Variants in PTPRR observed in about 807,000 individuals in gnomAD.
PTPRR encodes the protein protein tyrosine phosphatase receptor type R.
PTPRR carries 38 observed loss-of-function variants against 77.2 expected under a neutral mutation model. The observed-to-expected ratio is 0.49, with a 90% CI of 0.38 to 0.65. The LOEUF is 0.65. PTPRR is among the 30% of genes least tolerant of loss of function. The pLI, the probability that PTPRR is intolerant of heterozygous loss-of-function variation, is 0.00. For synonymous variants in PTPRR, 299 were observed against 283.1 expected, an observed-to-expected ratio of 1.06 and a Z score of -0.57; for missense variants, 744 against 799.2, an observed-to-expected ratio of 0.93 and a Z score of 0.83.
intron 2 of PTPRR, among the ~76,000 whole-genome samples, chr12:70,767,082 G>A (rs1183349941): frequency 1.3e-5 from 2 of 151,936 alleles, no homozygotes; most frequent in African/African-American, 4.8e-5. Context: ...AAAGACCATC[G>A]AGACTAGGAA....
chr12:70,693,477 TG>T (rs1305352881), intron 8 of PTPRR, among the ~76,000 whole-genome samples: 1 of 152,058 alleles, frequency 6.6e-6, no homozygotes. Flanking sequence ...TTGTATTTTT[TG>T]GTAGAGATGA....
intron 6 of PTPRR, among the ~76,000 whole-genome samples, chr12:70,736,379 T>C (rs1889862193): frequency 6.6e-6 from 1 of 152,064 alleles, no homozygotes; most frequent in African/African-American, 2.4e-5. Flanking sequence ...ATATACTGAT[T>C]TGTAGTTTAT....
chr12:70,779,018 T>G (rs942101652), intron 2 of PTPRR, among the ~76,000 whole-genome samples: 12 of 152,122 alleles, frequency 7.9e-5, no homozygotes, highest in African/African-American at 2.9e-4. Context: ...GCTAATTTTT[T>G]TGTATTTTTA....
intron 10 of PTPRR, among the ~76,000 whole-genome samples, chr12:70,677,357 T>C (rs1014038224): frequency 6.6e-6 from 1 of 152,184 alleles, no homozygotes; most frequent in African/African-American, 2.4e-5. Context: ...TCATATGATC[T>C]GCAAGCAGGG....
chr12:70,807,912 C>T lies in PTPRR; in HGVS notation c.358-43134G>A, dbSNP rs544296753. 1.4e-4 allele frequency among the ~76,000 whole-genome samples: 21 copies of T among 152,236 alleles called. 1 individual carries two copies. The South Asian group carries it at 3.7e-3, about 27-fold the overall frequency. ...GGGCACCTTAAGAAGAGGATAACAG[C>T]GATTTTCAGGGAACAAAGGAGATAA... On this transcript the variant is annotated intron_variant, in intron 2 of 13. Transcript: ENST00000283228.
At chr12:70,822,949 C>A (rs187933674) in intron 2 of PTPRR, among the ~76,000 whole-genome samples, 10 of 152,040 alleles carry the variant, frequency 6.6e-5, no homozygotes, top group Admixed American at 5.9e-4. Context: ...TTGGGTAGAA[C>A]CCTTTCCTCT....
At chr12:70,644,931 T>C (rs4761227) in intron 13 of PTPRR, among the ~76,000 whole-genome samples, 7,506 of 152,312 alleles carry the variant, frequency 0.049, 379 homozygotes, top group East Asian at 0.15. Flanking sequence ...CTTAGCTAAA[T>C]GATTTTAGAC....
rs184715731 is a variant in PTPRR at position 70,806,369 on chromosome 12, C to T, written c.358-41591G>A. Reference sequence around the variant, plus strand: ...TTTGGGCTTAGTAGGTGATAAGATACGCAGTTTGACCATAGATATTGGCAT... The same window carrying T: ...TTTGGGCTTAGTAGGTGATAAGATATGCAGTTTGACCATAGATATTGGCAT... On this transcript the variant is annotated intron_variant, in intron 2 of 13. Transcript: ENST00000283228. Among the ~76,000 whole-genome samples the T allele has an allele frequency of 9.7e-4, 147 of 152,166 alleles. 1 individual carries two copies. In the Middle Eastern group the frequency reaches 0.014, roughly 14 times the overall value.
At chr12:70,912,286 A>C (rs1469964156) in intron 1 of PTPRR, among the ~76,000 whole-genome samples, 1 of 152,146 alleles carries the variant, frequency 6.6e-6, no homozygotes, top group African/African-American at 2.4e-5. Flanking sequence ...CAGGAATTGG[A>C]TCATTAGTAC....
At chr12:70,667,522 G>A (rs1412446167) in intron 10 of PTPRR, among the ~76,000 whole-genome samples, 1 of 152,056 alleles carries the variant, frequency 6.6e-6, no homozygotes, top group Non-Finnish European at 1.5e-5. Context: ...GCTGGACAGT[G>A]GTGGCCAGGT....
At chr12:70,684,631 T>C in intron 9 of PTPRR, 73 bp downstream of exon 9, 2 of 1,092,300 alleles carry the variant, frequency 1.8e-6, no homozygotes, top group Middle Eastern at 2.6e-4. Flanking sequence ...TAATCTACTC[T>C]AGGAAAAAGA....
Position 70,778,829 on chromosome 12 carries a change from C to T in PTPRR, c.358-14051G>A, listed in dbSNP as rs144110738. The stretch of plus-strand genomic sequence containing the variant: ...AAACTTGTGTTTATAGTTTCTTGGT[C>T]TTTTGCATTCATTTTTGTTTTTGTT... On this transcript the variant is annotated intron_variant, in intron 2 of 13. Transcript: ENST00000283228. 2.0e-4 allele frequency among the ~76,000 whole-genome samples: 30 copies of T among 152,176 alleles called. No individual in the cohort carries two copies. The East Asian group carries it at 5.8e-3, about 29-fold the overall frequency.
chr12:70,893,089 G>C (rs1442006511), intron 1 of PTPRR, 112 bp from the exon 2 acceptor site: 1 of 1,172,788 alleles, frequency 8.5e-7, no homozygotes, highest in Non-Finnish European at 1.2e-6. Context: ...ACTTGTGAAG[G>C]ATTTAGGTTA....
chr12:70,860,719 C>T (rs970203297), intron 2 of PTPRR, among the ~76,000 whole-genome samples: 7 of 152,038 alleles, frequency 4.6e-5, no homozygotes, highest in Non-Finnish European at 8.8e-5. Flanking sequence ...AAAACATATA[C>T]AACATAGACT....
chr12:70,872,170 A>G (rs889651196), intron 2 of PTPRR, among the ~76,000 whole-genome samples: 11 of 152,180 alleles, frequency 7.2e-5, no homozygotes, highest in Non-Finnish European at 1.5e-4. Flanking sequence ...CTAAAAATGT[A>G]AACAGAAATT....
intron 4 of PTPRR, among the ~76,000 whole-genome samples, chr12:70,757,392 T>A (rs1592736936): frequency 6.6e-6 from 1 of 152,340 alleles, no homozygotes; most frequent in East Asian, 1.9e-4. Context: ...GGTATTTAAT[T>A]CATTTTGTAA....
chr12:70,832,830 T>G (rs12371206), intron 2 of PTPRR, among the ~76,000 whole-genome samples: 11,220 of 152,034 alleles, frequency 0.074, 469 homozygotes, highest in African/African-American at 0.1. Flanking sequence ...TTCTGGTGAG[T>G]ACTCAGAAAG....
intron 8 of PTPRR, among the ~76,000 whole-genome samples, chr12:70,690,550 C>A (rs772002167): frequency 2.0e-5 from 3 of 152,194 alleles, no homozygotes; most frequent in Non-Finnish European, 4.4e-5. Context: ...TTAGAATGCA[C>A]GCAGTGATTA....
intron 11 of PTPRR, 27 bp from the exon 12 acceptor site, chr12:70,661,124 C>T (rs1012413079): frequency 3.8e-6 from 6 of 1,589,866 alleles, no homozygotes; most frequent in South Asian, 2.3e-5. Context: ...CCACCAAATG[C>T]CTCATTCACT....
Sources: allele counts gnomAD v4.1 joint callset (sites outside exome capture counted in the v4.1 genomes callset), GRCh38; gene constraint gnomAD v4.1.1; transcripts MANE v1.5; gene names NCBI Gene and HGNC (gene_info 2026-07-23, HGNC 2026-07-21).